The following KDM4C variants were observed in gnomAD, a reference collection of about 807,000 sequenced individuals.
The protein encoded by KDM4C is lysine-specific demethylase 4C.
In KDM4C, 81 loss-of-function variants were observed where a neutral mutation model predicts 129.3. The ratio of observed to expected loss-of-function variants is 0.63; its 90% CI spans 0.52 to 0.75. The LOEUF (loss-of-function observed/expected upper bound fraction) is 0.75. Among genes scored for constraint, KDM4C ranks in the 30% least tolerant of loss-of-function variants. KDM4C has a pLI of 0.00. For missense variants in KDM4C, 1,457 were observed against 1,304.0 expected (o/e 1.12, Z -1.81); for synonymous variants, 573 against 456.1 (o/e 1.26, Z -3.26).
At chr9:6,894,922 T>G (rs1053813706) in intron 8 of KDM4C, among the ~76,000 whole-genome samples, 1 of 152,202 alleles carries the variant, frequency 6.6e-6, no homozygotes, top group Non-Finnish European at 1.5e-5. Flanking sequence ...CTCTACCCTA[T>G]GGGTTAGAGA....
chr9:7,131,127 T>C lies in KDM4C; in HGVS notation c.2781+2891T>C, dbSNP rs115529968. Among the ~76,000 whole-genome samples, 1,003 of 152,150 alleles carry C rather than the reference T, an allele frequency of 6.6e-3. 11 individuals are homozygous for C. Among genetic ancestry groups the C allele is most frequent in the African/African-American group, 0.023 (962 of 41,494 alleles). On this transcript the variant is annotated intron_variant, in intron 19 of 21. Transcript: ENST00000381309. ...ACTGAATTCATCTTTGTGCAGGTCT[T>C]CTCTATTTTGTCTGATCTTTCCTCC...
intron 15 of KDM4C, among the ~76,000 whole-genome samples, chr9:7,018,543 T>C (rs1824097429): frequency 6.6e-6 from 1 of 152,240 alleles, no homozygotes. Flanking sequence ...AGTGATGTTA[T>C]CTCCTTCGCC....
intron 5 of KDM4C, among the ~76,000 whole-genome samples, chr9:6,864,628 C>G (rs989157090): frequency 1.3e-5 from 2 of 151,638 alleles, no homozygotes; most frequent in Non-Finnish European, 2.9e-5. Context: ...GCCAACATGC[C>G]CAGCTAATTT....
At chr9:7,157,453 C>T (rs980867507) in intron 19 of KDM4C, among the ~76,000 whole-genome samples, 5 of 152,240 alleles carry the variant, frequency 3.3e-5, no homozygotes, top group Non-Finnish European at 5.9e-5. Flanking sequence ...GGAATGCTTC[C>T]AGTTTTTGTC....
intron 8 of KDM4C, among the ~76,000 whole-genome samples, chr9:6,972,504 A>C (rs1832172445): frequency 6.6e-6 from 1 of 152,214 alleles, no homozygotes; most frequent in African/African-American, 2.4e-5. Flanking sequence ...TTGGTGTATT[A>C]ATTCAAAATT....
At chr9:7,157,517 A>T (rs1439749072) in intron 19 of KDM4C, among the ~76,000 whole-genome samples, 1 of 152,162 alleles carries the variant, frequency 6.6e-6, no homozygotes, top group Admixed American at 6.5e-5. Context: ...TATTATTTTG[A>T]GATACATGCC....
At chr9:6,780,741 C>G (rs961182103) in intron 1 of KDM4C, among the ~76,000 whole-genome samples, 33 of 115,270 alleles carry the variant, frequency 2.9e-4, no homozygotes, top group African/African-American at 1.1e-3. Context: ...GTACTCCAGC[C>G]TGGGCAACAA....
At chr9:7,165,388 A>C (rs779175868) in intron 20 of KDM4C, 31 bp downstream of exon 20, 1 of 1,609,032 alleles carries the variant, frequency 6.2e-7, no homozygotes, top group South Asian at 1.1e-5. Flanking sequence ...GATGCTTGCT[A>C]AGATTGACAT....
At position 7,127,648 on chromosome 9, in the gene KDM4C, G is replaced by C. The variant is rs149987919; in HGVS notation, c.2611-418G>C. Among the ~76,000 whole-genome samples, 618 of 152,232 alleles carry C rather than the reference G, an allele frequency of 4.1e-3. 8 individuals are homozygous for C. The highest frequency in any genetic ancestry group is 0.014 in the African/African-American group (596 of 41,546). ...TGCTTGGGAGTTTGAGGGTAGGGAA[G>C]GTGAATACCATAATGGCCATTATTG... is the stretch of plus-strand genomic sequence containing the variant. On this transcript the variant is annotated intron_variant, in intron 18 of 21. Transcript: ENST00000381309.
intron 15 of KDM4C, among the ~76,000 whole-genome samples, chr9:7,016,373 C>G (rs139941818): frequency 0.016 from 2,369 of 150,412 alleles, 56 homozygotes; most frequent in African/African-American, 0.051. Context: ...GTGATCTGCT[C>G]GCCTCGGCCT....
At chr9:7,043,618 T>G (rs1319018549) in intron 15 of KDM4C, among the ~76,000 whole-genome samples, 9 of 152,028 alleles carry the variant, frequency 5.9e-5, no homozygotes, top group African/African-American at 2.2e-4. Context: ...TCAACTAGTT[T>G]GACCCTCTGA....
Position 6,758,338 on chromosome 9 carries a change from C to A in KDM4C, c.-18+135C>A. 1 of 416,674 alleles carries A rather than the reference C, an allele frequency of 2.4e-6. No individual in the cohort carries two copies. Among genetic ancestry groups the A allele is most frequent in the Non-Finnish European group, 3.2e-6 (1 of 309,732 alleles). 25.8% of individuals were successfully genotyped at this position (416,674 alleles called of 1,614,324 possible). ...GCGGCGACGCTGGGGCAGAGACGCTCCGTCCGTGACTGCAGCGACTGTCAA... is the reference window on the plus strand; with the variant it reads ...GCGGCGACGCTGGGGCAGAGACGCTACGTCCGTGACTGCAGCGACTGTCAA... On this transcript the variant is annotated intron_variant, in intron 1 of 21. Transcript: ENST00000381309. The surrounding 1 kb of genome is among the most constrained non-coding windows in gnomAD (Gnocchi z 4.6).
At chr9:6,851,706 C>T (rs1194705992) in intron 5 of KDM4C, among the ~76,000 whole-genome samples, 1 of 152,100 alleles carries the variant, frequency 6.6e-6, no homozygotes, top group Non-Finnish European at 1.5e-5. Context: ...GAAGTGTCTG[C>T]TTTCTAATTA....
intron 17 of KDM4C, among the ~76,000 whole-genome samples, chr9:7,083,710 G>GGTGTGTGTGTGTGT (rs1257662179): frequency 0.014 from 908 of 65,508 alleles, 6 homozygotes; most frequent in East Asian, 0.031. Flanking sequence ...GCACATGACT[G>GGTGTGTGTGTGTGT]ATGTGTGTGT....
At chr9:6,973,128 G>A (rs1832292463) in intron 8 of KDM4C, among the ~76,000 whole-genome samples, 2 of 152,182 alleles carry the variant, frequency 1.3e-5, no homozygotes, top group Admixed American at 6.5e-5. Flanking sequence ...GAAAAAGTAT[G>A]TTTTGTCATT....
chr9:6,901,317 C>T (rs920755198), intron 8 of KDM4C, among the ~76,000 whole-genome samples: 12 of 152,294 alleles, frequency 7.9e-5, no homozygotes, highest in Admixed American at 2.6e-4. Context: ...CACTTCCACC[C>T]CTGCAGGTTC....
At chr9:7,009,320 TA>T (rs1305881016) in intron 12 of KDM4C, among the ~76,000 whole-genome samples, 3 of 152,238 alleles carry the variant, frequency 2.0e-5, no homozygotes, top group Non-Finnish European at 4.4e-5. Context: ...TGTCTGCTAA[TA>T]ATTTTTTTCA....
At chr9:6,762,937 G>T (rs1563948813) in intron 1 of KDM4C, among the ~76,000 whole-genome samples, 1 of 151,950 alleles carries the variant, frequency 6.6e-6, no homozygotes, top group Admixed American at 6.6e-5. Flanking sequence ...GGGGATTACA[G>T]GCATGAGCCA....
At chr9:6,865,008 C>CTTTTTTT (rs777981928) in intron 5 of KDM4C, among the ~76,000 whole-genome samples, 21 of 126,592 alleles carry the variant, frequency 1.7e-4, no homozygotes, top group Non-Finnish European at 2.5e-4. Flanking sequence ...AAATTTCTTT[C>CTTTTTTT]TTTTTTTTTT....
Sources: allele counts gnomAD v4.1 joint callset (sites outside exome capture counted in the v4.1 genomes callset), GRCh38; gene constraint gnomAD v4.1.1; non-coding constraint Gnocchi (gnomAD v3.1); transcripts MANE v1.5; gene names NCBI Gene and HGNC (gene_info 2026-07-23, HGNC 2026-07-21).